The following UNC79 variants were observed in gnomAD, a reference collection of about 807,000 sequenced individuals.
UNC79 encodes the protein protein unc-79 homolog.
Under a neutral mutation model 283.1 loss-of-function variants are expected in UNC79, and 37 were observed. The ratio of observed to expected loss-of-function variants is 0.13; its 90% CI spans 0.10 to 0.17. UNC79 has a LOEUF of 0.17. Among genes scored for constraint, UNC79 ranks in the 10% least tolerant of loss-of-function variants. The pLI is 1.00. For missense variants in UNC79, 2,272 were observed against 3,211.1 expected (o/e 0.71, Z 7.07); for synonymous variants, 1,107 against 1,200.2 (o/e 0.92, Z 1.61).
chr14:93,636,519 C>T lies in UNC79; in HGVS notation c.5717-697C>T, dbSNP rs1008156243. On this transcript the variant is annotated intron_variant, in intron 31 of 48. Coordinates refer to ENST00000555664, the Ensembl canonical transcript of UNC79. ...AGTAATTTGCTGGTCTCCACCAGAACAGATGTGGCCATGTAGGCACCTGAG... is the reference window on the plus strand; with the variant it reads ...AGTAATTTGCTGGTCTCCACCAGAATAGATGTGGCCATGTAGGCACCTGAG... Among the ~76,000 whole-genome samples the T allele has an allele frequency of 3.3e-5, 5 of 152,184 alleles. No individual in the cohort carries two copies. In the East Asian group the frequency reaches 9.6e-4, roughly 29 times the overall value.
At chr14:93,666,577 C>T (rs2072225555) in intron 40 of UNC79, among the ~76,000 whole-genome samples, 1 of 152,172 alleles carries the variant, frequency 6.6e-6, no homozygotes, top group East Asian at 1.9e-4. Context: ...TCAAAAATTA[C>T]ACAGAGCTAA....
At chr14:93,637,355 C>T in intron 32 of UNC79, 56 bp downstream of exon 35, 1 of 1,599,224 alleles carries the variant, frequency 6.3e-7, no homozygotes, top group Non-Finnish European at 8.5e-7. Context: ...TGGACATGTC[C>T]ATCATTTGGT....
chr14:93,647,763 T>G (rs2069781213), intron 35 of UNC79, among the ~76,000 whole-genome samples: 1 of 152,182 alleles, frequency 6.6e-6, no homozygotes, highest in South Asian at 2.1e-4. Context: ...ACACTGCTGA[T>G]AATGACATGC....
intron 7 of UNC79, among the ~76,000 whole-genome samples, chr14:93,523,480 C>A (rs545678652): frequency 6.6e-6 from 1 of 152,146 alleles, no homozygotes; most frequent in African/African-American, 2.4e-5. Context: ...AAAACGCTTA[C>A]TGGTGCCAAG....
intron 48 of UNC79, 32 bp downstream of exon 51, chr14:93,704,698 G>A (rs548088243): frequency 5.1e-5 from 82 of 1,612,234 alleles, no homozygotes; most frequent in African/African-American, 8.0e-5. Flanking sequence ...TTGGAAGCTC[G>A]GTTTCCTGCA....
At chr14:93,356,892 G>A (rs1323662370) in intron 1 of UNC79, among the ~76,000 whole-genome samples, 1 of 152,156 alleles carries the variant, frequency 6.6e-6, no homozygotes, top group African/African-American at 2.4e-5. Context: ...GGGTACATGT[G>A]CAGATTTGTT....
intron 1 of UNC79, among the ~76,000 whole-genome samples, chr14:93,425,012 T>C (rs2055693005): frequency 6.6e-6 from 1 of 152,102 alleles, no homozygotes; most frequent in Admixed American, 6.5e-5. Context: ...AAATTAAAAA[T>C]TGAAACTAAA....
chr14:93,659,082 T>A, intron 38 of UNC79, 111 bp from the exon 42 acceptor site: 4 of 769,904 alleles, frequency 5.2e-6, no homozygotes, highest in Non-Finnish European at 6.1e-6. Context: ...TGAGATGCAG[T>A]CATATTTCAG....
At chr14:93,603,402 C>G (rs765212279) in exon 26 of UNC79, 1 of 1,613,796 alleles carries the variant, frequency 6.2e-7, no homozygotes, top group South Asian at 1.1e-5. Flanking sequence ...TCCCTGAGAC[C>G]CTGACCTCCA....
chr14:93,641,992 T>C (rs2069081295), intron 33 of UNC79, among the ~76,000 whole-genome samples: 1 of 152,160 alleles, frequency 6.6e-6, no homozygotes, highest in Non-Finnish European at 1.5e-5. Flanking sequence ...CCCCCTTGCC[T>C]TCCACCATGA....
At chr14:93,704,591 A>G (rs2075746921) in intron 47 of UNC79, 34 bp from the exon 51 acceptor site, 7 of 1,611,668 alleles carry the variant, frequency 4.3e-6, no homozygotes, top group South Asian at 1.1e-5. Context: ...AATAGAGGAC[A>G]CTAATAATGA....
intron 1 of UNC79, among the ~76,000 whole-genome samples, chr14:93,374,322 C>T (rs2054512700): frequency 1.3e-5 from 2 of 152,178 alleles, no homozygotes; most frequent in East Asian, 1.9e-4. Context: ...GGTAGAGTTA[C>T]CTGAGGCATT....
intron 1 of UNC79, among the ~76,000 whole-genome samples, chr14:93,349,948 A>T (rs1457367308): frequency 6.6e-6 from 1 of 152,238 alleles, no homozygotes; most frequent in African/African-American, 2.4e-5. Flanking sequence ...AAAAAAAATT[A>T]AGTGCATAAA....
At chr14:93,618,443 A>G (rs958409061) in intron 29 of UNC79, 89 bp downstream of exon 30, 4 of 1,310,450 alleles carry the variant, frequency 3.1e-6, no homozygotes, top group African/African-American at 1.5e-5. Context: ...GAGTGTTCCC[A>G]GATATCATTC....
chr14:93,550,489 T>TG (rs1224909629), intron 14 of UNC79, among the ~76,000 whole-genome samples: 1 of 115,132 alleles, frequency 8.7e-6, no homozygotes. Flanking sequence ...CACTCCAGCC[T>TG]GGGAGACAGA....
intron 27 of UNC79, among the ~76,000 whole-genome samples, chr14:93,615,720 C>CAAAAAAAAAAAAAAAAAAAAAAAAAAAA (rs1158073507): frequency 1.7e-4 from 4 of 23,296 alleles, no homozygotes; most frequent in Non-Finnish European, 4.2e-4. Context: ...GACTCCATCT[C>CAAAAAAAAAAAAAAAAAAAAAAAAAAAA]AAAAAAAAAA....
chr14:93,401,055 G>A (rs915562661), intron 1 of UNC79, among the ~76,000 whole-genome samples: 3 of 152,160 alleles, frequency 2.0e-5, no homozygotes, highest in Admixed American at 1.3e-4. Context: ...CATGGTTTAT[G>A]TATGCTGAGT....
chr14:93,642,242 G>C (rs1375421214), intron 33 of UNC79, among the ~76,000 whole-genome samples: 1 of 151,952 alleles, frequency 6.6e-6, no homozygotes, highest in African/African-American at 2.4e-5. Context: ...GGCTAACATG[G>C]TGAAACCCTG....
intron 1 of UNC79, among the ~76,000 whole-genome samples, chr14:93,420,714 A>G (rs2055577984): frequency 6.6e-6 from 1 of 151,782 alleles, no homozygotes; most frequent in South Asian, 2.1e-4. Flanking sequence ...AGGTCACAAA[A>G]CAAGTCTTAA....
Sources: allele counts gnomAD v4.1 joint callset (sites outside exome capture counted in the v4.1 genomes callset), GRCh38; gene constraint gnomAD v4.1.1; transcripts MANE v1.5; gene names NCBI Gene and HGNC (gene_info 2026-07-23, HGNC 2026-07-21).